The following RABGAP1L variants were observed in gnomAD, a reference collection of about 807,000 sequenced individuals.
RABGAP1L encodes the protein rab GTPase-activating protein 1-like.
A neutral mutation model predicts 137.7 loss-of-function variants in RABGAP1L; 63 were observed. The observed-to-expected ratio is 0.46, with a 90% CI of 0.37 to 0.56. RABGAP1L has a LOEUF of 0.56. Among genes scored for constraint, RABGAP1L ranks in the 20% least tolerant of loss-of-function variants. The pLI is 0.00. For synonymous variants in RABGAP1L, 431 were observed against 433.7 expected (o/e 0.99, Z 0.08); for missense variants, 1,095 against 1,244.0 (o/e 0.88, Z 1.80).
chr1:174,571,801 T>C (rs1220035190), intron 13 of RABGAP1L, among the ~76,000 whole-genome samples: 1 of 151,756 alleles, frequency 6.6e-6, no homozygotes, highest in Non-Finnish European at 1.5e-5. Context: ...TTACGAATTA[T>C]GTAGTTTCCG....
intron 19 of RABGAP1L, among the ~76,000 whole-genome samples, chr1:174,831,339 A>G (rs1692093753): frequency 6.7e-6 from 1 of 148,298 alleles, no homozygotes; most frequent in African/African-American, 2.5e-5. Flanking sequence ...TTAAATTCAT[A>G]TATTCCAATT....
intron 13 of RABGAP1L, among the ~76,000 whole-genome samples, chr1:174,622,851 T>C (rs1672637695): frequency 1.3e-5 from 2 of 152,356 alleles, no homozygotes; most frequent in South Asian, 4.1e-4. Context: ...ACTTAAAGTA[T>C]ATTTTAAAAA....
At position 174,305,048 on chromosome 1, in the gene RABGAP1L, A is replaced by G; in HGVS notation, c.1386A>G (p.Arg462=). The G allele has an allele frequency of 6.4e-7, 1 of 1,563,768 alleles. No individual in the cohort carries two copies. The highest frequency in any genetic ancestry group is 8.6e-7 in the Non-Finnish European group (1 of 1,159,760). ...DAIYEVVSLQ[R]ESDKEEPVTP... Reference sequence around the variant, plus strand: ...TATATGAGGTGGTGAGTCTACAGCGAGAGTCTGACAAGGAGGAACCAGTCA... The same window carrying G: ...TATATGAGGTGGTGAGTCTACAGCGGGAGTCTGACAAGGAGGAACCAGTCA... The change falls in exon 11 of 26, where the codon CGA becomes CGG. Residue 462 remains arginine (R), a synonymous_variant. Coordinates refer to ENST00000681986, the MANE Select transcript of RABGAP1L (RefSeq NM_001366446.1).
At chr1:174,498,916 C>A (rs141870993) in intron 13 of RABGAP1L, among the ~76,000 whole-genome samples, 1,980 of 151,982 alleles carry the variant, frequency 0.013, 43 homozygotes, top group African/African-American at 0.044. Context: ...ATATTATTTT[C>A]TTTGATTTCT....
At chr1:174,812,927 T>C (rs1475670060) in intron 19 of RABGAP1L, among the ~76,000 whole-genome samples, 1 of 152,190 alleles carries the variant, frequency 6.6e-6, no homozygotes, top group Non-Finnish European at 1.5e-5. Context: ...GACTGCCTCA[T>C]GCCTGGGTGG....
At chr1:174,693,014 C>T (rs1305592216) in intron 15 of RABGAP1L, among the ~76,000 whole-genome samples, 2 of 152,050 alleles carry the variant, frequency 1.3e-5, no homozygotes, top group African/African-American at 4.8e-5. Flanking sequence ...TCCTGCAGCG[C>T]CTTTTGTATA....
intron 14 of RABGAP1L, among the ~76,000 whole-genome samples, chr1:174,683,057 G>GTT (rs1557981500): frequency 5.1e-5 from 7 of 137,326 alleles, no homozygotes; most frequent in African/African-American, 2.1e-4. Context: ...GTTCTAAAGG[G>GTT]GTTTTTTTTT....
At chr1:174,854,865 G>A (rs1649029552) in intron 19 of RABGAP1L, among the ~76,000 whole-genome samples, 1 of 151,184 alleles carries the variant, frequency 6.6e-6, no homozygotes, top group African/African-American at 2.4e-5. Flanking sequence ...AGCCTCCTGA[G>A]TAGCTGGGAT....
intron 13 of RABGAP1L, among the ~76,000 whole-genome samples, chr1:174,413,463 T>A (rs1352917353): frequency 6.6e-6 from 1 of 152,194 alleles, no homozygotes; most frequent in Non-Finnish European, 1.5e-5. Context: ...CCATTTTAGT[T>A]GGGGACCATT....
At chr1:174,705,033 TTATA>T (rs1272385766) in intron 17 of RABGAP1L, among the ~76,000 whole-genome samples, 1 of 152,118 alleles carries the variant, frequency 6.6e-6, no homozygotes, top group Non-Finnish European at 1.5e-5. Flanking sequence ...AGTTTTTGAG[TTATA>T]TATAGTATGA....
At chr1:174,546,652 A>G (rs1018106809) in intron 13 of RABGAP1L, among the ~76,000 whole-genome samples, 1 of 152,194 alleles carries the variant, frequency 6.6e-6, no homozygotes, top group Non-Finnish European at 1.5e-5. Context: ...AGGGAATTAG[A>G]ACCATTAGAA....
intron 18 of RABGAP1L, among the ~76,000 whole-genome samples, chr1:174,787,879 A>G (rs913215596): frequency 1.3e-5 from 2 of 152,224 alleles, no homozygotes; most frequent in Non-Finnish European, 2.9e-5. Context: ...AGCATTTCCC[A>G]GGTACTGTAG....
intron 13 of RABGAP1L, among the ~76,000 whole-genome samples, chr1:174,435,134 C>T (rs928962614): frequency 1.3e-5 from 2 of 152,144 alleles, no homozygotes; most frequent in Non-Finnish European, 2.9e-5. Context: ...AGTCCTCCTG[C>T]CTCAGCTTGC....
chr1:174,174,278 A>C (rs1665659609), intron 1 of RABGAP1L, among the ~76,000 whole-genome samples: 1 of 152,086 alleles, frequency 6.6e-6, no homozygotes, highest in Admixed American at 6.6e-5. Context: ...TCCTTGGACA[A>C]CTAAATTAGC....
At chr1:174,252,838 C>CT (rs1286948824) in intron 7 of RABGAP1L, among the ~76,000 whole-genome samples, 1 of 152,160 alleles carries the variant, frequency 6.6e-6, no homozygotes, top group South Asian at 2.1e-4. Flanking sequence ...TTGTTCACAT[C>CT]TTTTTTTCTT....
intron 24 of RABGAP1L, among the ~76,000 whole-genome samples, chr1:174,984,749 C>CA (rs1388929372): frequency 6.6e-6 from 1 of 151,680 alleles, no homozygotes; most frequent in African/African-American, 2.4e-5. Context: ...CTCAAAAAAA[C>CA]AAAAAACAAA....
At chr1:174,666,227 C>T (rs937786055) in intron 14 of RABGAP1L, among the ~76,000 whole-genome samples, 4 of 152,192 alleles carry the variant, frequency 2.6e-5, no homozygotes, top group African/African-American at 9.6e-5. Context: ...AAATGATAAT[C>T]CAAAGGCTAA....
intron 4 of RABGAP1L, among the ~76,000 whole-genome samples, chr1:174,240,791 A>T (rs924834927): frequency 1.3e-5 from 2 of 152,216 alleles, no homozygotes; most frequent in East Asian, 3.8e-4. Flanking sequence ...TTTTGCCATA[A>T]TTGAAAAAGA....
intron 17 of RABGAP1L, among the ~76,000 whole-genome samples, chr1:174,743,152 A>G (rs1417619160): frequency 6.6e-6 from 1 of 152,188 alleles, no homozygotes; most frequent in Non-Finnish European, 1.5e-5. Flanking sequence ...TCTCAAATCC[A>G]TCTCCCTGAC....
Sources: gnomAD v4.1 joint callset for allele counts (sites outside exome capture counted in the v4.1 genomes callset) on GRCh38, gnomAD v4.1.1 for gene constraint, MANE v1.5 for transcripts, NCBI Gene and HGNC (gene_info 2026-07-23, HGNC 2026-07-21) for gene names.